TSPAN18: variants seen among roughly 807,000 people sequenced by gnomAD.
TSPAN18 encodes the protein tetraspanin-18.
TSPAN18 carries 14 observed loss-of-function variants against 27.3 expected under a neutral mutation model. The ratio of observed to expected loss-of-function variants is 0.51; its 90% CI spans 0.34 to 0.80. The LOEUF (loss-of-function observed/expected upper bound fraction) is 0.80, where lower values mean the gene tolerates loss of function less well. Among genes scored for constraint, TSPAN18 ranks in the 30% least tolerant of loss-of-function variants. TSPAN18 has a pLI of 0.01. For missense variants in TSPAN18, 268 were observed against 323.9 expected (o/e 0.83, Z 1.32); for synonymous variants, 143 against 136.5 (o/e 1.05, Z -0.33).
chr11:44,924,097 TTGTGTGTGTGTG>T (rs57394106), intron 8 of TSPAN18, among the ~76,000 whole-genome samples: 24 of 145,870 alleles, frequency 1.6e-4, no homozygotes, highest in Non-Finnish European at 2.6e-4. Context: ...CCTTCTGGGG[TTGTGTGTGTGTG>T]TGTGTGTGTG....
intron 2 of TSPAN18, among the ~76,000 whole-genome samples, chr11:44,779,896 C>T (rs923883151): frequency 1.3e-5 from 2 of 151,930 alleles, no homozygotes; most frequent in Non-Finnish European, 2.9e-5. Context: ...CTTATGCACT[C>T]ATCTGCCCAC....
chr11:44,864,953 C>T (rs1039739894), intron 3 of TSPAN18, among the ~76,000 whole-genome samples: 17 of 152,196 alleles, frequency 1.1e-4, no homozygotes, highest in African/African-American at 3.9e-4. Flanking sequence ...GGGCATCAGC[C>T]AGAGGTTGGT....
At chr11:44,788,186 C>G (rs1449417620) in intron 2 of TSPAN18, among the ~76,000 whole-genome samples, 1 of 152,204 alleles carries the variant, frequency 6.6e-6, no homozygotes, top group East Asian at 1.9e-4. Flanking sequence ...CAGCCCTCAT[C>G]CCAGGACCCT....
intron 3 of TSPAN18, among the ~76,000 whole-genome samples, chr11:44,861,664 G>A (rs1285894861): frequency 3.3e-5 from 5 of 151,828 alleles, no homozygotes; most frequent in African/African-American, 1.2e-4. Flanking sequence ...GTTGGGAGTC[G>A]GGGGCGATGA....
chr11:44,824,296 G>T (rs900016241), intron 2 of TSPAN18, among the ~76,000 whole-genome samples: 1 of 152,202 alleles, frequency 6.6e-6, no homozygotes, highest in Non-Finnish European at 1.5e-5. Flanking sequence ...CTATTCATTT[G>T]TCTTGTTAAT....
intron 3 of TSPAN18, among the ~76,000 whole-genome samples, chr11:44,877,287 C>G (rs114428796): frequency 5.3e-5 from 8 of 152,178 alleles, no homozygotes; most frequent in Non-Finnish European, 8.8e-5. Context: ...AGTTCTCCAG[C>G]GCTGCCTTTA....
At chr11:44,897,649 A>G in intron 3 of TSPAN18, 1 of 643,666 alleles carries the variant, frequency 1.6e-6, no homozygotes, top group African/African-American at 1.9e-5. Context: ...AGTTGCCCCG[A>G]GTGTGTGTAT....
At chr11:44,754,311 A>C (rs958731793) in intron 1 of TSPAN18, among the ~76,000 whole-genome samples, 1 of 152,196 alleles carries the variant, frequency 6.6e-6, no homozygotes, top group Non-Finnish European at 1.5e-5. Context: ...TGCTAGCTGC[A>C]GGGTGGCCAG....
intron 2 of TSPAN18, among the ~76,000 whole-genome samples, chr11:44,811,604 C>T (rs1054595883): frequency 5.9e-5 from 9 of 152,056 alleles, no homozygotes; most frequent in African/African-American, 2.2e-4. Flanking sequence ...GGATTACAGG[C>T]ACCCGCCACC....
At chr11:44,790,465 ATG>A (rs1856183839) in intron 2 of TSPAN18, among the ~76,000 whole-genome samples, 1 of 137,782 alleles carries the variant, frequency 7.3e-6, no homozygotes, top group Non-Finnish European at 1.5e-5. Flanking sequence ...GTGTGTATGC[ATG>A]TGTTCGTGTG....
chr11:44,858,860 A>C (rs1421477751), intron 2 of TSPAN18, among the ~76,000 whole-genome samples: 7 of 152,182 alleles, frequency 4.6e-5, no homozygotes, highest in African/African-American at 1.7e-4. Flanking sequence ...GTATGCTGCT[A>C]TTGAAACAAT....
chr11:44,747,386 C>G (rs575337658), intron 1 of TSPAN18, among the ~76,000 whole-genome samples: 26 of 152,310 alleles, frequency 1.7e-4, no homozygotes, highest in African/African-American at 6.3e-4. Context: ...CAAGGGACTT[C>G]CCTCCTCTAA....
intron 2 of TSPAN18, among the ~76,000 whole-genome samples, chr11:44,770,278 G>A (rs1855661762): frequency 6.6e-6 from 1 of 152,164 alleles, no homozygotes. Flanking sequence ...GGAATGACTC[G>A]GGTGGTGGGT....
intron 3 of TSPAN18, among the ~76,000 whole-genome samples, chr11:44,892,104 C>T (rs1314717271): frequency 6.6e-6 from 1 of 152,186 alleles, no homozygotes; most frequent in African/African-American, 2.4e-5. Context: ...GCTCTCCCCA[C>T]AGCAGGCTGA....
intron 3 of TSPAN18, among the ~76,000 whole-genome samples, chr11:44,890,957 G>T (rs190214256): frequency 1.3e-5 from 2 of 152,246 alleles, no homozygotes; most frequent in Non-Finnish European, 2.9e-5. Flanking sequence ...GATTGCTTGA[G>T]CCCCAGAGTT....
intron 5 of TSPAN18, among the ~76,000 whole-genome samples, chr11:44,915,047 C>T (rs967017468): frequency 1.3e-5 from 2 of 152,236 alleles, no homozygotes; most frequent in Non-Finnish European, 1.5e-5. Flanking sequence ...ACAGAGTACA[C>T]GAGGCCTGTG....
chr11:44,791,711 A>G (rs1438366667), intron 2 of TSPAN18, among the ~76,000 whole-genome samples: 2 of 152,200 alleles, frequency 1.3e-5, no homozygotes, highest in Non-Finnish European at 2.9e-5. Context: ...CTCCGGGAGC[A>G]ATGTGCAGTG....
At chr11:44,747,698 G>A (rs1202735756) in intron 1 of TSPAN18, among the ~76,000 whole-genome samples, 6 of 151,854 alleles carry the variant, frequency 4.0e-5, no homozygotes, top group Admixed American at 2.6e-4. Flanking sequence ...CCCCCCTCCC[G>A]TCTCTCTCTC....
chr11:44,759,599 C>G (rs1855404879), intron 1 of TSPAN18, among the ~76,000 whole-genome samples: 1 of 152,216 alleles, frequency 6.6e-6, no homozygotes, highest in Non-Finnish European at 1.5e-5. Context: ...TCATCCATCT[C>G]TCCATCCACC....
Sources: allele counts gnomAD v4.1 joint callset (sites outside exome capture counted in the v4.1 genomes callset), GRCh38; gene constraint gnomAD v4.1.1; transcripts MANE v1.5; gene names NCBI Gene and HGNC (gene_info 2026-07-23, HGNC 2026-07-21).